FBXO11: variants seen among roughly 807,000 people sequenced by gnomAD.
The protein encoded by FBXO11 is F-box protein 11, also known as F-box only protein 11.
A neutral mutation model predicts 117.0 loss-of-function variants in FBXO11; 13 were observed. That is an observed-to-expected ratio of 0.11 (90% CI 0.07 to 0.18). The LOEUF is 0.18. Among genes scored for constraint, FBXO11 ranks in the 10% least tolerant of loss-of-function variants. The pLI is 1.00. For synonymous variants in FBXO11, 490 were observed against 380.5 expected, an observed-to-expected ratio of 1.29 and a Z score of -3.35; for missense variants, 767 against 1,164.4, an observed-to-expected ratio of 0.66 and a Z score of 4.97.
chr2:47,836,119 G>T, intron 4 of FBXO11, 118 bp from the exon 5 acceptor site: 1 of 606,502 alleles, frequency 1.6e-6, no homozygotes. Context: ...AGTAAGAATA[G>T]ACAAAAATGA....
chr2:47,857,773 T>G (rs1265540307), intron 1 of FBXO11, among the ~76,000 whole-genome samples: 1 of 152,140 alleles, frequency 6.6e-6, no homozygotes, highest in African/African-American at 2.4e-5. Context: ...ATTGAATGAA[T>G]ATACAAAACT....
chr2:47,822,370 G>GGTAA (rs1397649325), intron 12 of FBXO11, 67 bp from the exon 13 acceptor site: 19 of 958,798 alleles, frequency 2.0e-5, no homozygotes, highest in Non-Finnish European at 1.6e-6. Flanking sequence ...TTTATACAAC[G>GGTAA]GTAAGGCCCC....
Position 47,839,783 on chromosome 2 carries a change from A to T in FBXO11, c.233-14T>A. 2 of 1,593,324 alleles carry T rather than the reference A, an allele frequency of 1.3e-6. No homozygotes were observed. Among genetic ancestry groups the T allele is most frequent in the Non-Finnish European group, 1.7e-6 (2 of 1,174,564 alleles). On this transcript the variant is annotated splice_polypyrimidine_tract_variant and intron_variant, in intron 1 of 22. Transcript: ENST00000403359. Reference sequence around the variant, plus strand: ...GCACATCATCATCTGTTATAAACAAAAGCAATAAGAAAAATTATACCCTTT... The same window carrying T: ...GCACATCATCATCTGTTATAAACAATAGCAATAAGAAAAATTATACCCTTT...
intron 16 of FBXO11, 29 bp from the exon 17 acceptor site, chr2:47,813,896 T>A (rs1383160961): frequency 6.7e-7 from 1 of 1,490,554 alleles, no homozygotes; most frequent in Admixed American, 1.7e-5. Context: ...ATAATACCAT[T>A]TCAATAGCTT....
chr2:47,882,589 G>A (rs926115738), intron 1 of FBXO11, among the ~76,000 whole-genome samples: 1 of 152,102 alleles, frequency 6.6e-6, no homozygotes, highest in African/African-American at 2.4e-5. Flanking sequence ...AAATCCCTGT[G>A]TCTCTTATTA....
In FBXO11 at chr2:47,808,352, A is replaced by C; in HGVS notation, c.2631T>G (p.Asp877Glu). Residue 877 changes from aspartate (D) to glutamate (E), a missense_variant, in exon 22 of 23, where the codon GAT becomes GAG. Coordinates refer to ENST00000403359, the MANE Select transcript of FBXO11 (RefSeq NM_001190274.2). ...NCIKKCHQGH[D>E]VEFIRHDRFF... The stretch of plus-strand genomic sequence containing the variant: ...ACCTATCATGTCTAATAAACTCTAC[A>C]TCATGTCCCTGATGGCACTTCTTAA... 6.2e-7 allele frequency: 1 copy of C among 1,612,468 alleles called. No individual in the cohort carries two copies. Among genetic ancestry groups the C allele is most frequent in the African/African-American group, 1.3e-5 (1 of 75,020 alleles).
At chr2:47,897,928 C>A (rs1053718361) in intron 1 of FBXO11, among the ~76,000 whole-genome samples, 1 of 151,600 alleles carries the variant, frequency 6.6e-6, no homozygotes, top group African/African-American at 2.4e-5. Flanking sequence ...TCTCTTCACA[C>A]AAAAAAAAGG....
At chr2:47,864,283 A>G (rs1367438785) in intron 1 of FBXO11, among the ~76,000 whole-genome samples, 2 of 152,104 alleles carry the variant, frequency 1.3e-5, no homozygotes, top group African/African-American at 2.4e-5. Flanking sequence ...CCTTTGAACA[A>G]CTCATAATTA....
chr2:47,890,863 G>A (rs192583090), intron 1 of FBXO11, among the ~76,000 whole-genome samples: 10 of 152,088 alleles, frequency 6.6e-5, no homozygotes, highest in East Asian at 5.8e-4. Context: ...TATTGCTCAC[G>A]CTGGAATGCA....
chr2:47,840,401 T>C (rs1394587566), intron 1 of FBXO11, among the ~76,000 whole-genome samples: 1 of 151,368 alleles, frequency 6.6e-6, no homozygotes, highest in Non-Finnish European at 1.5e-5. Flanking sequence ...GTGCATGAGA[T>C]ACCAGGTAGG....
intron 1 of FBXO11, among the ~76,000 whole-genome samples, chr2:47,875,493 T>A (rs1558463989): frequency 9.9e-6 from 1 of 101,510 alleles, no homozygotes; most frequent in South Asian, 2.7e-4. Context: ...TCATTCTTTT[T>A]TTGTCTTTTT....
chr2:47,853,311 C>T (rs1301291111), intron 1 of FBXO11, among the ~76,000 whole-genome samples: 13 of 152,048 alleles, frequency 8.5e-5, no homozygotes, highest in Admixed American at 8.5e-4. Flanking sequence ...ACCTCGTGAT[C>T]CACCTGCCTC....
At chr2:47,903,315 C>G (rs1443909041) in intron 1 of FBXO11, among the ~76,000 whole-genome samples, 1 of 152,170 alleles carries the variant, frequency 6.6e-6, no homozygotes, top group East Asian at 1.9e-4. Flanking sequence ...TGTGCCAACA[C>G]AGAATCTCCA....
At chr2:47,832,285 G>T in intron 11 of FBXO11, 64 bp downstream of exon 11, 1 of 1,396,170 alleles carries the variant, frequency 7.2e-7, no homozygotes, top group Non-Finnish European at 9.7e-7. Flanking sequence ...AAATAATGCT[G>T]AAACATACTT....
At chr2:47,904,882 G>C (rs369911561) in intron 1 of FBXO11, among the ~76,000 whole-genome samples, 2 of 152,154 alleles carry the variant, frequency 1.3e-5, no homozygotes, top group East Asian at 1.9e-4. Flanking sequence ...AAACACTGTG[G>C]GGTTGGGAGA....
intron 1 of FBXO11, among the ~76,000 whole-genome samples, chr2:47,902,676 CCA>C (rs1678386493): frequency 6.6e-6 from 1 of 152,074 alleles, no homozygotes; most frequent in Admixed American, 6.5e-5. Flanking sequence ...CAGCTAAAGA[CCA>C]TTCTGACAGA....
intron 18 of FBXO11, among the ~76,000 whole-genome samples, chr2:47,811,968 C>T (rs1334270031): frequency 2.0e-5 from 3 of 151,424 alleles, no homozygotes; most frequent in Non-Finnish European, 4.4e-5. Flanking sequence ...CCTTTTCACA[C>T]CCTTATGCTA....
intron 1 of FBXO11, among the ~76,000 whole-genome samples, chr2:47,904,604 AC>A (rs1413479014): frequency 3.3e-5 from 5 of 151,708 alleles, no homozygotes; most frequent in African/African-American, 4.8e-5. Context: ...ACACACACAC[AC>A]ACACACACAC....
chr2:47,868,295 A>G (rs1301957712), intron 1 of FBXO11, among the ~76,000 whole-genome samples: 1 of 151,704 alleles, frequency 6.6e-6, no homozygotes, highest in African/African-American at 2.4e-5. Context: ...AAAAAAAAAA[A>G]AAAAAAAGCT....
Sources: allele counts gnomAD v4.1 joint callset (sites outside exome capture counted in the v4.1 genomes callset), GRCh38; gene constraint gnomAD v4.1.1; transcripts MANE v1.5; gene names NCBI Gene and HGNC (gene_info 2026-07-23, HGNC 2026-07-21).